Variants in CCDC169 observed in about 807,000 individuals in gnomAD.
CCDC169 encodes the protein coiled-coil domain containing 169.
In CCDC169, 30 loss-of-function variants were observed where a neutral mutation model predicts 36.0. The ratio of observed to expected loss-of-function variants is 0.83; its 90% CI spans 0.62 to 1.13. The LOEUF is 1.13. Ranked by LOEUF, CCDC169 falls within the 50% of genes most tolerant of loss-of-function variation. The pLI is 0.00. For synonymous variants in CCDC169, 85 were observed against 81.5 expected (o/e 1.04, Z -0.23); for missense variants, 245 against 245.9 (o/e 1.00, Z 0.03).
intron 2 of CCDC169, among the ~76,000 whole-genome samples, chr13:36,293,282 T>C (rs1288375004): frequency 1.3e-5 from 2 of 152,204 alleles, no homozygotes; most frequent in Non-Finnish European, 2.9e-5. Context: ...ATCTCCTTCA[T>C]AAACTTTAAC....
intron 4 of CCDC169, among the ~76,000 whole-genome samples, chr13:36,272,116 T>TAAAATAAAATAAAATAAAATA (rs371631186): frequency 2.1e-5 from 3 of 142,582 alleles, no homozygotes; most frequent in African/African-American, 5.2e-5. Context: ...AATAAATAAA[T>TAAAATAAAATAAAATAAAATA]AAATAAAATA....
At chr13:36,279,932 G>T (rs1653398096) in intron 4 of CCDC169, 1 of 152,130 alleles carries the variant, frequency 6.6e-6, no homozygotes, top group Admixed American at 6.5e-5. Flanking sequence ...ATTCACTGTG[G>T]CAATGCTTGT....
chr13:36,257,528 C>T (rs1285380767), intron 4 of CCDC169, among the ~76,000 whole-genome samples: 1 of 151,828 alleles, frequency 6.6e-6, no homozygotes, highest in African/African-American at 2.4e-5. Flanking sequence ...TATGGTGAAA[C>T]CCCGTCTGTA....
intron 2 of CCDC169, among the ~76,000 whole-genome samples, chr13:36,291,765 C>G (rs141950594): frequency 6.6e-6 from 1 of 151,832 alleles, no homozygotes; most frequent in Non-Finnish European, 1.5e-5. Flanking sequence ...AAGTATTATG[C>G]TAGTTTGAGA....
At chr13:36,276,474 T>C (rs1876841554) in intron 4 of CCDC169, among the ~76,000 whole-genome samples, 1 of 152,214 alleles carries the variant, frequency 6.6e-6, no homozygotes, top group Non-Finnish European at 1.5e-5. Context: ...TGAGATTAAG[T>C]ATTTTCCTAA....
At chr13:36,297,523 G>T in intron 1 of CCDC169, 114 bp downstream of exon 1, 3 of 981,346 alleles carry the variant, frequency 3.1e-6, no homozygotes, top group African/African-American at 1.6e-5. Context: ...GTGCCCAGGG[G>T]TTAATCACGG....
intron 4 of CCDC169, among the ~76,000 whole-genome samples, chr13:36,266,907 G>A (rs962218508): frequency 7.9e-5 from 12 of 152,092 alleles, no homozygotes; most frequent in African/African-American, 1.4e-4. Context: ...CTATTTTCTC[G>A]TATCACTATC....
Position 36,283,471 on chromosome 13 carries a change from C to A in CCDC169, c.313G>T (p.Val105Leu). The A allele has an allele frequency of 6.5e-7, 1 of 1,548,876 alleles. No individual in the cohort carries two copies. Among genetic ancestry groups the A allele is most frequent in the Non-Finnish European group, 8.7e-7 (1 of 1,144,920 alleles). The change falls in exon 4 of 8, where the codon GTG becomes TTG. Residue 105 changes from valine (V) to leucine (L), a missense_variant and splice_region_variant. Physicochemically the swap from Val to Leu is conservative, Grantham distance 32 (BLOSUM62 1). Coordinates refer to ENST00000239859, the MANE Select transcript of CCDC169 (RefSeq NM_001144981.3). ...TGTTTAATCACATTTCTACTCACCA[C>A]TGGCATTCGTTCATAGACACGAATA... ...SSIRVYERMP[V>L]ESLNTLLKQL...
downstream of CCDC169, chr13:36,222,744 G>C (rs9546766): frequency 0.41 from 61,620 of 151,982 alleles, 13,266 homozygotes; most frequent in Non-Finnish European, 0.48. Flanking sequence ...AAAATTAGTA[G>C]ATATTACAAG....
At chr13:36,258,767 T>G (rs1874243297) in intron 4 of CCDC169, among the ~76,000 whole-genome samples, 2 of 152,296 alleles carry the variant, frequency 1.3e-5, no homozygotes, top group African/African-American at 4.8e-5. Flanking sequence ...GCTCTGCTGA[T>G]GGAGTGGCCA....
At chr13:36,229,951 ATAGT>A (rs2138371976), downstream of CCDC169, among the ~76,000 whole-genome samples, 1 of 152,316 alleles carries the variant, frequency 6.6e-6, no homozygotes, top group South Asian at 2.1e-4. Flanking sequence ...CCTAATATTA[ATAGT>A]TAGCTAAAGA....
chr13:36,251,325 T>C (rs1029484310), intron 6 of CCDC169, among the ~76,000 whole-genome samples: 2 of 152,198 alleles, frequency 1.3e-5, no homozygotes, highest in African/African-American at 4.8e-5. Flanking sequence ...ATCCACATGG[T>C]TAGAACTGTC....
intron 7 of CCDC169, among the ~76,000 whole-genome samples, chr13:36,234,562 A>G (rs1870847351): frequency 6.6e-6 from 1 of 152,174 alleles, no homozygotes; most frequent in African/African-American, 2.4e-5. Context: ...CAAACAGGGA[A>G]TCTTGAAAGC....
At chr13:36,235,179 T>C (rs1247980299) in intron 7 of CCDC169, among the ~76,000 whole-genome samples, 2 of 151,996 alleles carry the variant, frequency 1.3e-5, no homozygotes, top group Non-Finnish European at 2.9e-5. Context: ...ATCTTAATTG[T>C]AATTCCCAGG....
chr13:36,264,773 A>G (rs1175082135), intron 4 of CCDC169, among the ~76,000 whole-genome samples: 4 of 152,162 alleles, frequency 2.6e-5, no homozygotes, highest in Non-Finnish European at 1.5e-5. Context: ...AAAACTAGCT[A>G]TGAAGCACCT....
chr13:36,275,183 A>G (rs1876628348), intron 4 of CCDC169, among the ~76,000 whole-genome samples: 2 of 151,892 alleles, frequency 1.3e-5, no homozygotes, highest in Non-Finnish European at 2.9e-5. Context: ...TTATTTTTAA[A>G]CCAATGATTG....
At chr13:36,244,857 G>A (rs1201628862) in intron 7 of CCDC169, among the ~76,000 whole-genome samples, 5 of 105,772 alleles carry the variant, frequency 4.7e-5, no homozygotes, top group Non-Finnish European at 5.6e-5. Context: ...TGGGGACTCT[G>A]ACACAGTGGC....
chr13:36,290,685 G>C (rs980475129), intron 2 of CCDC169, among the ~76,000 whole-genome samples: 2 of 152,128 alleles, frequency 1.3e-5, no homozygotes, highest in African/African-American at 4.8e-5. Flanking sequence ...TCAATGCAGA[G>C]AATTTATAGA....
At chr13:36,254,298 CAG>C (rs1198655710) in intron 4 of CCDC169, among the ~76,000 whole-genome samples, 155 bp from the exon 5 acceptor site, 1 of 74,514 alleles carries the variant, frequency 1.3e-5, no homozygotes, top group Non-Finnish European at 3.1e-5. Context: ...TTTTTTTAGA[CAG>C]AGTCTCACTC....
Sources: gnomAD v4.1 joint callset for allele counts (sites outside exome capture counted in the v4.1 genomes callset) on GRCh38, gnomAD v4.1.1 for gene constraint, MANE v1.5 for transcripts, NCBI Gene and HGNC (gene_info 2026-07-23, HGNC 2026-07-21) for gene names.